Variants in SEC31A observed in about 807,000 individuals in gnomAD.
SEC31A encodes SEC31 homolog A, COPII component, also known as protein transport protein Sec31A.
In SEC31A, 70 loss-of-function variants were observed where a neutral mutation model predicts 151.0. That is an observed-to-expected ratio of 0.46 (90% CI 0.38 to 0.57). SEC31A has a LOEUF of 0.57. SEC31A is among the 20% of genes least tolerant of loss of function. The pLI is 0.00. For missense variants in SEC31A, 1,330 were observed against 1,471.2 expected (o/e 0.90, Z 1.57); for synonymous variants, 475 against 505.9 (o/e 0.94, Z 0.82).
chr4:82,831,072 C>T, intron 22 of SEC31A: 1 of 302,460 alleles, frequency 3.3e-6, no homozygotes, highest in African/African-American at 2.2e-5. Context: ...CATTAATCCC[C>T]AGAAAGTGTA....
At chr4:82,831,712 T>C (rs187007072) in intron 22 of SEC31A, among the ~76,000 whole-genome samples, 1 of 152,338 alleles carries the variant, frequency 6.6e-6, no homozygotes, top group East Asian at 1.9e-4. Context: ...GGGGTCATAC[T>C]GTGCATATAA....
chr4:82,864,503 C>G lies in SEC31A; in HGVS notation c.1293G>C (p.Gln431His), dbSNP rs1003130165. Residue 431 changes from glutamine to histidine, a missense_variant, in exon 11 of 27, where the codon CAG (glutamine) becomes CAC (histidine). Transcript: ENST00000395310. ...TGAGGAACTCCTTTTCTGTTACAAC[C>G]TGACTAATGAACACATGGTGCTGCT... Reference protein sequence around the residue: ...QQQQHHVFISQVVTEKEFLSR... With the variant: ...QQQQHHVFISHVVTEKEFLSR... 6.2e-7 allele frequency: 1 copy of G among 1,614,108 alleles called. No homozygotes were observed. The highest frequency in any genetic ancestry group is 8.5e-7 in the Non-Finnish European group (1 of 1,180,022).
At position 82,827,409 on chromosome 4, in the gene SEC31A, A is replaced by G. The variant is rs1329244969; in HGVS notation, c.3251T>C (p.Ile1084Thr). ...GMPPSFSKPN[I>T]EGAPGAPIGN... ...AATAGGAGCCCCTGGGGCACCTTCA[A>G]TATTGGGCTTTGAAAAAGATGGTGG... is the stretch of plus-strand genomic sequence containing the variant. Residue 1084 changes from isoleucine to threonine, a missense_variant, in exon 24 of 27, where the codon ATT becomes ACT. By Grantham distance (89) the Ile-to-Thr change is moderately conservative. Coordinates refer to ENST00000395310, the MANE Select transcript of SEC31A (RefSeq NM_001077207.4). 5 of 1,614,108 alleles carry G rather than the reference A, an allele frequency of 3.1e-6. No homozygotes were observed. Among genetic ancestry groups the G allele is most frequent in the East Asian group, 4.5e-5 (2 of 44,904 alleles).
Position 82,821,149 on chromosome 4 carries a change from C to T in SEC31A, c.3412-41G>A, listed in dbSNP as rs1430861686. The T allele has an allele frequency of 2.7e-6, 4 of 1,494,806 alleles. No individual in the cohort carries two copies. The South Asian group carries it at 3.4e-5, about 13-fold the overall frequency. 92.6% of individuals were successfully genotyped at this position (1,494,806 alleles called of 1,614,324 possible). A position where few individuals can be genotyped will look rare whatever the true frequency, so the allele number is the denominator to read the frequency against. ...AATAGATGTTATATTTGAACATTAA[C>T]TTTTAACCTAAGAACTTGCCCTATC... On this transcript the variant is annotated intron_variant, in intron 25 of 26. Coordinates refer to ENST00000395310, the MANE Select transcript of SEC31A (RefSeq NM_001077207.4).
At chr4:82,859,563 T>C (rs1005169576) in intron 14 of SEC31A, among the ~76,000 whole-genome samples, 5 of 152,200 alleles carry the variant, frequency 3.3e-5, no homozygotes, top group African/African-American at 9.7e-5. Context: ...ATTTTAGAAC[T>C]GGGTAATTTT....
intron 22 of SEC31A, among the ~76,000 whole-genome samples, chr4:82,841,442 T>TTGTATATATATATATA (rs1281196101): frequency 1.6e-5 from 1 of 64,460 alleles, no homozygotes; most frequent in African/African-American, 3.9e-5. Flanking sequence ...AAAAAAAATT[T>TTGTATATATATATATA]TATATATATA....
chr4:82,824,762 G>A (rs576563504), intron 24 of SEC31A, 88 bp from the exon 25 acceptor site: 15 of 1,448,590 alleles, frequency 1.0e-5, no homozygotes, highest in Middle Eastern at 1.8e-4. Flanking sequence ...AACAGAAACC[G>A]ACAACCTTGT....
At chr4:82,823,483 C>G (rs531102168) in intron 25 of SEC31A, among the ~76,000 whole-genome samples, 1 of 152,204 alleles carries the variant, frequency 6.6e-6, no homozygotes. Context: ...TTCCACAAAG[C>G]CACTGACCAG....
intron 19 of SEC31A, among the ~76,000 whole-genome samples, chr4:82,849,316 T>G (rs1192674743): frequency 1.3e-5 from 2 of 152,030 alleles, no homozygotes; most frequent in African/African-American, 4.8e-5. Context: ...CAAAACTACT[T>G]TAAAAACTAT....
chr4:82,866,627 AG>A (rs1307446309), intron 10 of SEC31A, among the ~76,000 whole-genome samples, 180 bp downstream of exon 10: 1 of 152,210 alleles, frequency 6.6e-6, no homozygotes. Flanking sequence ...TTTTTAAAAA[AG>A]GGAAAAAAAA....
At chr4:82,891,025 C>T (rs1719642937) in intron 1 of SEC31A, 63 bp downstream of exon 1, 1 of 1,532,340 alleles carries the variant, frequency 6.5e-7, no homozygotes, top group Non-Finnish European at 8.7e-7. Flanking sequence ...CCAGTTTTGG[C>T]CTGGGCTCTA....
At chr4:82,833,967 T>G (rs995729592) in intron 22 of SEC31A, among the ~76,000 whole-genome samples, 5 of 152,180 alleles carry the variant, frequency 3.3e-5, no homozygotes, top group African/African-American at 1.2e-4. Flanking sequence ...TAATGTTTAC[T>G]GACAGATGTT....
chr4:82,880,732 G>A, intron 3 of SEC31A, 67 bp downstream of exon 3: 1 of 1,339,556 alleles, frequency 7.5e-7, no homozygotes, highest in Non-Finnish European at 1.0e-6. Context: ...CATAATTATA[G>A]ACAAATTAGG....
chr4:82,844,580 T>C, intron 20 of SEC31A, 71 bp from the exon 21 acceptor site: 1 of 1,441,758 alleles, frequency 6.9e-7, no homozygotes, highest in Non-Finnish European at 9.5e-7. Context: ...GGAATTACAA[T>C]CTCTGAAATG....
chr4:82,892,809 G>C (rs772301957), upstream of SEC31A, among the ~76,000 whole-genome samples: 12 of 152,064 alleles, frequency 7.9e-5, no homozygotes, highest in Non-Finnish European at 1.5e-4. Flanking sequence ...TCAGTACTGT[G>C]GTAATGGAAT....
intron 25 of SEC31A, among the ~76,000 whole-genome samples, chr4:82,823,140 T>C (rs1433579760): frequency 6.6e-6 from 1 of 152,208 alleles, no homozygotes; most frequent in African/African-American, 2.4e-5. Flanking sequence ...CCAGAGCTCC[T>C]CGGTATCCAA....
intron 1 of SEC31A, among the ~76,000 whole-genome samples, chr4:82,885,760 T>C (rs1471625185): frequency 1.3e-5 from 2 of 152,202 alleles, no homozygotes; most frequent in African/African-American, 4.8e-5. Context: ...CTTACATTAT[T>C]GGACATTTAA....
intron 9 of SEC31A, 59 bp from the exon 10 acceptor site, chr4:82,867,019 A>G: frequency 6.3e-7 from 1 of 1,576,182 alleles, no homozygotes; most frequent in Non-Finnish European, 8.6e-7. Context: ...ATTTTTTTCC[A>G]GTCATATCCA....
At chr4:82,845,227 G>A (rs1304132315) in intron 20 of SEC31A, 26 of 1,534,582 alleles carry the variant, frequency 1.7e-5, no homozygotes, top group Non-Finnish European at 2.1e-5. Flanking sequence ...GAGGCTGCAG[G>A]TGGATGGCTG....
Sources: allele counts gnomAD v4.1 joint callset (sites outside exome capture counted in the v4.1 genomes callset), GRCh38; gene constraint gnomAD v4.1.1; transcripts MANE v1.5; gene names NCBI Gene and HGNC (gene_info 2026-07-23, HGNC 2026-07-21).